Variants in SYTL3 observed in about 807,000 individuals in gnomAD.
The protein encoded by SYTL3 is synaptotagmin-like protein 3.
A neutral mutation model predicts 82.1 loss-of-function variants in SYTL3; 88 were observed. The observed-to-expected ratio is 1.07, with a 90% CI of 0.90 to 1.28. SYTL3 has a LOEUF of 1.28. Ranked by LOEUF, SYTL3 falls within the 50% of genes most tolerant of loss-of-function variation. The probability of loss-of-function intolerance (pLI) is 0.00; values close to 1 mark genes in which losing one functional copy is unlikely to be tolerated. For missense variants in SYTL3, 831 were observed against 757.6 expected (o/e 1.10, Z -1.14); for synonymous variants, 311 against 289.4 (o/e 1.07, Z -0.76).
rs190474324 is a variant in SYTL3 at position 158,739,174 on chromosome 6, A to G, written c.856-6306A>G. Among the ~76,000 whole-genome samples the G allele has an allele frequency of 1.6e-4, 25 of 152,314 alleles. No individual in the cohort carries two copies. The East Asian group carries it at 4.8e-3, about 29-fold the overall frequency. On this transcript the variant is annotated intron_variant, in intron 11 of 17. Transcript: ENST00000611299. ...TTTTTTGTAGTATGTAACCTGTTCT[A>G]GTTTATTGTAACTACTTTTTTCTCC...
At chr6:158,753,069 CTTCTT>C (rs1454848985) in intron 13 of SYTL3, among the ~76,000 whole-genome samples, 10 of 139,844 alleles carry the variant, frequency 7.2e-5, no homozygotes, top group Non-Finnish European at 1.1e-4. Context: ...TAAAACATTT[CTTCTT>C]TTCTTTTTTT....
chr6:158,647,918 C>T (rs1787588669), upstream of SYTL3, among the ~76,000 whole-genome samples: 1 of 152,224 alleles, frequency 6.6e-6, no homozygotes, highest in Non-Finnish European at 1.5e-5. Context: ...GGGACTGGAG[C>T]TGCCAATACC....
chr6:158,715,298 C>T (rs1783233669), intron 9 of SYTL3, among the ~76,000 whole-genome samples: 1 of 152,104 alleles, frequency 6.6e-6, no homozygotes, highest in Non-Finnish European at 1.5e-5. Context: ...GGAGTTAGCC[C>T]CAACCCTGTC....
chr6:158,680,666 C>T (rs1342762925), intron 5 of SYTL3, among the ~76,000 whole-genome samples: 5 of 151,344 alleles, frequency 3.3e-5, no homozygotes, highest in African/African-American at 7.3e-5. Context: ...GTGGGAGGAT[C>T]GCTTGAGCCC....
At chr6:158,668,666 G>A (rs1261798791) in intron 5 of SYTL3, among the ~76,000 whole-genome samples, 3 of 152,180 alleles carry the variant, frequency 2.0e-5, no homozygotes, top group African/African-American at 7.2e-5. Context: ...GAGAGCGGAA[G>A]GTAAAGGTAA....
At chr6:158,659,975 C>T (rs1200183771) in intron 2 of SYTL3, among the ~76,000 whole-genome samples, 5 of 152,096 alleles carry the variant, frequency 3.3e-5, no homozygotes, top group Non-Finnish European at 4.4e-5. Context: ...AAGTCATGAA[C>T]CTTAAGAACC....
In SYTL3 at chr6:158,727,641, C is replaced by T. The variant is rs572931929; in HGVS notation, c.855+2004C>T. Among the ~76,000 whole-genome samples the T allele has an allele frequency of 7.3e-5, 11 of 151,052 alleles. No homozygotes were observed. In the East Asian group the frequency reaches 7.7e-4, roughly 11 times the overall value. ...TCACCCACCAGGCCTCGAGGCCACC[C>T]GCCCACCTCCCATGGCCGTTCTCAT... On this transcript the variant is annotated intron_variant, in intron 11 of 17. Transcript: ENST00000611299.
intron 11 of SYTL3, among the ~76,000 whole-genome samples, chr6:158,739,848 A>AT (rs1018609121): frequency 1.3e-5 from 2 of 151,112 alleles, no homozygotes; most frequent in Admixed American, 6.6e-5. Flanking sequence ...TTTTTCATTC[A>AT]TTTTTTCTCC....
intron 6 of SYTL3, among the ~76,000 whole-genome samples, chr6:158,686,285 CTCAGCA>C (rs1371362636): frequency 6.6e-6 from 1 of 152,120 alleles, no homozygotes; most frequent in Non-Finnish European, 1.5e-5. Context: ...GAAGATCAAC[CTCAGCA>C]TAAATCATTC....
chr6:158,717,273 CA>C (rs1161911442), intron 9 of SYTL3, among the ~76,000 whole-genome samples: 1 of 148,280 alleles, frequency 6.7e-6, no homozygotes, highest in African/African-American at 2.5e-5. Flanking sequence ...GACTCTATTT[CA>C]AAAATAAATA....
chr6:158,663,476 C>T (rs1353041310), intron 4 of SYTL3, 98 bp downstream of exon 4: 15 of 1,523,800 alleles, frequency 9.8e-6, no homozygotes, highest in African/African-American at 1.4e-5. Context: ...CAAATCACTA[C>T]CCACCTGCTG....
chr6:158,751,775 A>C (rs1252823465), intron 12 of SYTL3, among the ~76,000 whole-genome samples, 153 bp from the exon 13 acceptor site: 1 of 152,200 alleles, frequency 6.6e-6, no homozygotes, highest in Non-Finnish European at 1.5e-5. Context: ...GTTGCTCACT[A>C]TTAGGCTATT....
chr6:158,698,358 C>G (rs1392691075), intron 6 of SYTL3, among the ~76,000 whole-genome samples: 1 of 146,812 alleles, frequency 6.8e-6, no homozygotes, highest in Non-Finnish European at 1.5e-5. Context: ...GATCACACCA[C>G]TGCACCCCAG....
At chr6:158,677,129 C>T (rs1170025633) in intron 5 of SYTL3, among the ~76,000 whole-genome samples, 1 of 152,168 alleles carries the variant, frequency 6.6e-6, no homozygotes, top group Non-Finnish European at 1.5e-5. Flanking sequence ...TGGCCCTACT[C>T]ACAATAGCAA....
chr6:158,747,187 G>A (rs564704194), intron 12 of SYTL3, among the ~76,000 whole-genome samples: 95 of 151,628 alleles, frequency 6.3e-4, no homozygotes, highest in African/African-American at 2.2e-3. Context: ...GGGTTTCCCC[G>A]TGTTGGCCAG....
At chr6:158,676,644 G>T (rs987839401) in intron 5 of SYTL3, among the ~76,000 whole-genome samples, 20 of 152,230 alleles carry the variant, frequency 1.3e-4, no homozygotes, top group African/African-American at 3.6e-4. Context: ...GAAAATTTTT[G>T]CAACCTACTC....
At chr6:158,656,406 C>T (rs2128351751) in intron 2 of SYTL3, among the ~76,000 whole-genome samples, 1 of 152,298 alleles carries the variant, frequency 6.6e-6, no homozygotes, top group East Asian at 1.9e-4. Flanking sequence ...ACAACTATTC[C>T]TGTTACCTGC....
At chr6:158,745,451 CTTA>C in intron 11 of SYTL3, 26 bp from the exon 12 acceptor site, 1 of 1,580,918 alleles carries the variant, frequency 6.3e-7, no homozygotes. Flanking sequence ...ACTGAAGTAA[CTTA>C]TTATATCTGT....
chr6:158,755,333 A>T (rs1788927049), intron 13 of SYTL3, among the ~76,000 whole-genome samples: 1 of 152,128 alleles, frequency 6.6e-6, no homozygotes. Flanking sequence ...ACAGAGTGAG[A>T]TCCTGTCCCC....
Sources: allele counts gnomAD v4.1 joint callset (sites outside exome capture counted in the v4.1 genomes callset), GRCh38; gene constraint gnomAD v4.1.1; transcripts MANE v1.5; gene names NCBI Gene and HGNC (gene_info 2026-07-23, HGNC 2026-07-21).